Variants in PBX1 observed in about 807,000 individuals in gnomAD.
PBX1 encodes the protein pre-B-cell leukemia transcription factor 1.
PBX1 carries 6 observed loss-of-function variants against 53.4 expected under a neutral mutation model. The ratio of observed to expected loss-of-function variants is 0.11; its 90% CI spans 0.06 to 0.22. The LOEUF is 0.22. Among genes scored for constraint, PBX1 ranks in the 10% least tolerant of loss-of-function variants. PBX1 has a pLI of 1.00. For synonymous variants in PBX1, 204 were observed against 212.3 expected (o/e 0.96, Z 0.34); for missense variants, 251 against 551.4 (o/e 0.46, Z 5.46).
intron 2 of PBX1, among the ~76,000 whole-genome samples, chr1:164,782,970 T>A (rs781500799): frequency 6.6e-6 from 1 of 152,228 alleles, no homozygotes; most frequent in Non-Finnish European, 1.5e-5. Context: ...TTATAATTTA[T>A]TTATTTTTTA....
chr1:164,886,023 A>G (rs1672768736), intron 2 of PBX1, among the ~76,000 whole-genome samples: 1 of 151,494 alleles, frequency 6.6e-6, no homozygotes, highest in African/African-American at 2.5e-5. Flanking sequence ...TTAGGTGATT[A>G]ATAAATATTT....
chr1:164,727,153 C>T (rs553079894), intron 2 of PBX1, among the ~76,000 whole-genome samples: 3 of 152,180 alleles, frequency 2.0e-5, no homozygotes, highest in Non-Finnish European at 2.9e-5. Context: ...TGAGTTATTG[C>T]ATTCACCCCT....
rs72414989 is a variant in PBX1, at chr1:164,793,872, C to CTTT, written c.510+1152_510+1154dup. Among the ~76,000 whole-genome samples the CTTT allele has an allele frequency of 7.0e-3, 546 of 78,230 alleles. 20 individuals carry two copies. Among genetic ancestry groups the CTTT allele is most frequent in the African/African-American group, 0.024 (483 of 19,786 alleles). 51.3% of individuals were successfully genotyped at this position (78,230 alleles called of 152,430 possible). A position where few individuals can be genotyped will look rare whatever the true frequency, so the allele number is the denominator to read the frequency against. Reference sequence around the variant, plus strand: ...CTTTCTTTTCTTTTTTTTTTCCTTTCTTTTTTTTTTTTTTTTTTTTGAGAT... The same window carrying CTTT: ...CTTTCTTTTCTTTTTTTTTTCCTTTCTTTTTTTTTTTTTTTTTTTTTTTGAGAT... On this transcript the variant is annotated intron_variant, in intron 3 of 8. Coordinates refer to ENST00000420696, the MANE Select transcript of PBX1 (RefSeq NM_002585.4).
At chr1:164,636,334 A>G (rs1658778375) in intron 2 of PBX1, among the ~76,000 whole-genome samples, 1 of 152,138 alleles carries the variant, frequency 6.6e-6, no homozygotes, top group African/African-American at 2.4e-5. Flanking sequence ...CTACATGACC[A>G]TCTTGAAGGC....
chr1:164,837,108 A>G (rs1671075352), intron 8 of PBX1, among the ~76,000 whole-genome samples: 1 of 152,160 alleles, frequency 6.6e-6, no homozygotes, highest in Non-Finnish European at 1.5e-5. Flanking sequence ...GATGGTAAAT[A>G]GCCTCAAAAT....
At chr1:164,815,626 G>A (rs779704124) in intron 6 of PBX1, 2 of 152,190 alleles carry the variant, frequency 1.3e-5, no homozygotes, top group Admixed American at 1.3e-4. Context: ...AAGGTGAAGG[G>A]GAAGCAAGGC....
At chr1:164,825,986 C>T (rs1023407158) in intron 8 of PBX1, among the ~76,000 whole-genome samples, 1 of 152,134 alleles carries the variant, frequency 6.6e-6, no homozygotes, top group African/African-American at 2.4e-5. Flanking sequence ...CCTCCAAGGA[C>T]AACCTGGAGG....
chr1:164,634,732 G>A (rs1027940990), intron 2 of PBX1, among the ~76,000 whole-genome samples: 1 of 152,116 alleles, frequency 6.6e-6, no homozygotes, highest in Admixed American at 6.6e-5. Context: ...GGACTCCCTC[G>A]GACATGGTTT....
At position 164,559,677 on chromosome 1, in the gene PBX1, TC is replaced by T; in HGVS notation, c.-145del. On this transcript the variant is annotated 5_prime_UTR_variant, in exon 1 of 9. Transcript: ENST00000420696. Reference sequence around the variant, plus strand: ...TAAAGAGGCAAAGGGATTTTTTTTTTCTTTTGGTCTTCTTTTTTCCCCCTTC... The same window carrying T: ...TAAAGAGGCAAAGGGATTTTTTTTTTTTTTGGTCTTCTTTTTTCCCCCTTC... 1.8e-6 allele frequency: 1 copy of T among 555,364 alleles called. No individual in the cohort carries two copies. The highest frequency in any genetic ancestry group is 3.0e-6 in the Non-Finnish European group (1 of 333,112). 34.4% of individuals were successfully genotyped at this position (555,364 alleles called of 1,614,324 possible). A position where few individuals can be genotyped will look rare whatever the true frequency, so the allele number is the denominator to read the frequency against.
At chr1:164,780,095 G>T (rs1439973772) in intron 2 of PBX1, among the ~76,000 whole-genome samples, 1 of 152,150 alleles carries the variant, frequency 6.6e-6, no homozygotes, top group Non-Finnish European at 1.5e-5. Flanking sequence ...CCCCACAGGG[G>T]TGGGCGCCTC....
At chr1:164,809,566 G>C (rs895097194) in intron 5 of PBX1, among the ~76,000 whole-genome samples, 2 of 152,094 alleles carry the variant, frequency 1.3e-5, no homozygotes, top group Non-Finnish European at 2.9e-5. Flanking sequence ...TTTCTTTTTG[G>C]ATCTTAGTTG....
At chr1:164,833,622 C>G (rs188496387) in intron 8 of PBX1, among the ~76,000 whole-genome samples, 3 of 152,296 alleles carry the variant, frequency 2.0e-5, no homozygotes, top group Non-Finnish European at 4.4e-5. Context: ...TTTCATTCCT[C>G]TCTAGACCAT....
intron 2 of PBX1, among the ~76,000 whole-genome samples, chr1:164,870,313 CT>C (rs1411418860): frequency 2.1e-4 from 18 of 84,302 alleles, no homozygotes; most frequent in South Asian, 5.0e-4. Flanking sequence ...TTCTTTCTTT[CT>C]TTCTTTCTTT....
In PBX1 at chr1:164,559,289, G is replaced by C. The variant is rs1253041956; in HGVS notation, c.-534G>C. 5.7e-6 allele frequency: 1 copy of C among 176,886 alleles called. No individual in the cohort carries two copies. The highest frequency in any genetic ancestry group is 1.2e-5 in the Non-Finnish European group (1 of 86,024). The allele number at this position is 176,886 out of a possible 1,614,324, so 11.0% of individuals were successfully genotyped here. ...CGCGGCTGGGGGAGATCTGGCTTTT[G>C]CAACAGCCCACCCCCTTTGAGATCA... is the stretch of plus-strand genomic sequence containing the variant. On this transcript the variant is annotated 5_prime_UTR_variant, in exon 1 of 9. Coordinates refer to ENST00000420696, the MANE Select transcript of PBX1 (RefSeq NM_002585.4).
chr1:164,679,677 A>G (rs1412738835), intron 2 of PBX1, among the ~76,000 whole-genome samples: 1 of 152,206 alleles, frequency 6.6e-6, no homozygotes, highest in African/African-American at 2.4e-5. Flanking sequence ...TCATTTAAGC[A>G]TTGTCTAAGT....
intron 2 of PBX1, among the ~76,000 whole-genome samples, chr1:164,676,594 A>G (rs940888911): frequency 3.1e-4 from 47 of 152,216 alleles, no homozygotes; most frequent in African/African-American, 1.1e-3. Flanking sequence ...CACAGACACC[A>G]GATCTGGAAA....
chr1:164,716,685 T>TACACACACACAC (rs375539653), intron 2 of PBX1, among the ~76,000 whole-genome samples: 4,305 of 115,772 alleles, frequency 0.037, 139 homozygotes, highest in African/African-American at 0.057. Context: ...ATGTCATCTC[T>TACACACACACAC]ACACACACAC....
intron 2 of PBX1, chr1:164,590,385 A>T (rs929479855): frequency 2.2e-6 from 1 of 455,806 alleles, no homozygotes; most frequent in East Asian, 7.0e-5. Context: ...GGACTTGCTC[A>T]CTTGCACTGC....
chr1:164,790,961 G>A (rs940945929), intron 2 of PBX1, among the ~76,000 whole-genome samples: 3 of 152,082 alleles, frequency 2.0e-5, no homozygotes, highest in Non-Finnish European at 4.4e-5. Flanking sequence ...ACTCTGCCAT[G>A]AAAACAGCTC....
Sources: allele counts gnomAD v4.1 joint callset (sites outside exome capture counted in the v4.1 genomes callset), GRCh38; gene constraint gnomAD v4.1.1; transcripts MANE v1.5; gene names NCBI Gene and HGNC (gene_info 2026-07-23, HGNC 2026-07-21).